The following GPR158 variants were observed in gnomAD, a reference collection of about 807,000 sequenced individuals.
GPR158 encodes metabotropic glycine receptor.
In GPR158, 30 loss-of-function variants were observed where a neutral mutation model predicts 78.2. That is an observed-to-expected ratio of 0.38 (90% CI 0.29 to 0.52). GPR158 has a LOEUF of 0.52. GPR158 is among the 20% of genes least tolerant of loss of function. The pLI, the probability that GPR158 is intolerant of heterozygous loss-of-function variation, is 0.83. For synonymous variants in GPR158, 581 were observed against 591.1 expected (o/e 0.98, Z 0.25); for missense variants, 1,463 against 1,523.5 (o/e 0.96, Z 0.66).
chr10:25,478,657 T>A (rs934275293), intron 5 of GPR158, among the ~76,000 whole-genome samples: 9 of 152,064 alleles, frequency 5.9e-5, no homozygotes, highest in African/African-American at 1.7e-4. Flanking sequence ...AATTTTTTTT[T>A]ATTATACTTT....
At chr10:25,209,570 A>G (rs970285966) in intron 1 of GPR158, among the ~76,000 whole-genome samples, 17 of 152,196 alleles carry the variant, frequency 1.1e-4, no homozygotes, top group Admixed American at 8.5e-4. Context: ...ACACACACAC[A>G]ATTTATTTTA....
At position 25,256,433 on chromosome 10, in the gene GPR158, C is replaced by T. The variant is rs185341520; in HGVS notation, c.1008+35276C>T. Among the ~76,000 whole-genome samples the T allele has an allele frequency of 9.0e-3, 1,375 of 152,158 alleles. 15 individuals carry two copies. Among genetic ancestry groups the T allele is most frequent in the Non-Finnish European group, 0.013 (855 of 68,000 alleles). ...TTGGGAGGCTGAGGTAGGAAGATCA[C>T]GCGAGGCCAGGAGTTCAAGACCAAC... On this transcript the variant is annotated intron_variant, in intron 2 of 10. Transcript: ENST00000376351.
chr10:25,294,300 C>T (rs1232752338), intron 2 of GPR158, among the ~76,000 whole-genome samples: 1 of 151,942 alleles, frequency 6.6e-6, no homozygotes, highest in East Asian at 1.9e-4. Context: ...CTTTGTGAGT[C>T]ATAACCATGT....
Position 25,232,630 on chromosome 10 carries a change from C to T in GPR158, c.1008+11473C>T, listed in dbSNP as rs1183873659. Among the ~76,000 whole-genome samples the T allele has an allele frequency of 3.3e-5, 5 of 152,120 alleles. No individual in the cohort carries two copies. The East Asian group carries it at 7.7e-4, about 24-fold the overall frequency. ...TATTCATCCAGGACAGGTTTCGATT[C>T]ATCATTGTTTTTCCCTCCCCAAGGG... is the stretch of plus-strand genomic sequence containing the variant. On this transcript the variant is annotated intron_variant, in intron 2 of 10. Transcript: ENST00000376351.
intron 2 of GPR158, among the ~76,000 whole-genome samples, chr10:25,364,027 A>T (rs142664980): frequency 3.2e-4 from 48 of 152,098 alleles, no homozygotes; most frequent in Admixed American, 1.3e-3. Context: ...AAGTGCTTAA[A>T]ATAATGCCTA....
intron 9 of GPR158, among the ~76,000 whole-genome samples, chr10:25,596,338 G>T (rs1837404939): frequency 6.6e-6 from 1 of 152,058 alleles, no homozygotes. Context: ...GTAAAGTAAA[G>T]ATTCCGTTTA....
chr10:25,227,516 T>C (rs2130690667), intron 2 of GPR158, among the ~76,000 whole-genome samples: 1 of 152,338 alleles, frequency 6.6e-6, no homozygotes, highest in East Asian at 1.9e-4. Flanking sequence ...TTAGGTGTAC[T>C]AGGCCTCTCT....
At chr10:25,376,674 T>G (rs1834085433) in intron 2 of GPR158, among the ~76,000 whole-genome samples, 1 of 151,734 alleles carries the variant, frequency 6.6e-6, no homozygotes, top group South Asian at 2.1e-4. Flanking sequence ...TCTGACAGTA[T>G]TGGTCTGCTG....
chr10:25,192,358 C>G, intron 1 of GPR158, among the ~76,000 whole-genome samples: 1 of 152,182 alleles, frequency 6.6e-6, no homozygotes. Context: ...ATAAGTTACC[C>G]AGTCTCGGGC....
chr10:25,314,889 CTAA>C (rs1854826568), intron 2 of GPR158, among the ~76,000 whole-genome samples: 1 of 73,874 alleles, frequency 1.4e-5, no homozygotes, highest in Admixed American at 1.1e-4. Flanking sequence ...ATATATATGA[CTAA>C]TGAGTTTACA....
intron 4 of GPR158, among the ~76,000 whole-genome samples, chr10:25,423,342 A>T (rs1834779540): frequency 6.6e-6 from 1 of 151,174 alleles, no homozygotes; most frequent in Admixed American, 6.6e-5. Context: ...TTCTGGGTAG[A>T]TACCTGATAG....
At chr10:25,222,933 C>T (rs1173374200) in intron 2 of GPR158, among the ~76,000 whole-genome samples, 1 of 152,184 alleles carries the variant, frequency 6.6e-6, no homozygotes, top group Admixed American at 6.5e-5. Context: ...TGTGTCCTTA[C>T]AGCGCATCTG....
chr10:25,542,684 C>T (rs990158641), intron 5 of GPR158, among the ~76,000 whole-genome samples: 3 of 151,770 alleles, frequency 2.0e-5, no homozygotes, highest in South Asian at 2.1e-4. Flanking sequence ...ATTAGCTGGG[C>T]GTGGTGGTGG....
At chr10:25,398,820 C>A (rs1834402340) in intron 3 of GPR158, among the ~76,000 whole-genome samples, 1 of 152,136 alleles carries the variant, frequency 6.6e-6, no homozygotes, top group African/African-American at 2.4e-5. Flanking sequence ...TCAGCACATA[C>A]TTAGCCAAGA....
chr10:25,214,279 C>T (rs994519925), intron 1 of GPR158, among the ~76,000 whole-genome samples: 11 of 152,030 alleles, frequency 7.2e-5, no homozygotes, highest in African/African-American at 2.7e-4. Flanking sequence ...CAGGCGTGAG[C>T]CACCACGCCT....
chr10:25,598,413 T>C lies in GPR158; in HGVS notation c.2787T>C (p.Thr929=), dbSNP rs771123894. 2 of 1,614,100 alleles carry C rather than the reference T, an allele frequency of 1.2e-6. No individual in the cohort carries two copies. Among genetic ancestry groups the C allele is most frequent in the Admixed American group, 3.3e-5 (2 of 60,002 alleles). Residue 929 remains threonine (T), a synonymous_variant, in exon 11 of 11, where the codon ACT becomes ACC. Coordinates refer to ENST00000376351, the MANE Select transcript of GPR158 (RefSeq NM_020752.3). ...AAACAGCAGGTGTGGAAGAACGCAC[T>C]AAATCCCAGAAACCTTTGCCAAAAG... ...KTQTAGVEER[T]KSQKPLPKDK... is the part of the protein sequence containing the mutation.
At chr10:25,556,316 C>T (rs1458167740) in intron 6 of GPR158, among the ~76,000 whole-genome samples, 1 of 152,146 alleles carries the variant, frequency 6.6e-6, no homozygotes, top group Non-Finnish European at 1.5e-5. Flanking sequence ...AAGTCATGAC[C>T]CCAAGGGTTT....
At chr10:25,381,389 A>C (rs1336392288) in intron 2 of GPR158, among the ~76,000 whole-genome samples, 1 of 152,196 alleles carries the variant, frequency 6.6e-6, no homozygotes, top group Non-Finnish European at 1.5e-5. Flanking sequence ...ATGTTTGGGT[A>C]GTAACTAGAA....
chr10:25,577,945 G>C (rs7911892), intron 7 of GPR158, among the ~76,000 whole-genome samples: 1 of 152,194 alleles, frequency 6.6e-6, no homozygotes, highest in Non-Finnish European at 1.5e-5. Context: ...TTTTCAGGCA[G>C]AGTAGTCAGT....
Sources: gnomAD v4.1 joint callset for allele counts (sites outside exome capture counted in the v4.1 genomes callset) on GRCh38, gnomAD v4.1.1 for gene constraint, MANE v1.5 for transcripts, NCBI Gene and HGNC (gene_info 2026-07-23, HGNC 2026-07-21) for gene names.